ELOVL2: variants seen among roughly 807,000 people sequenced by gnomAD.
The protein encoded by ELOVL2 is very long chain fatty acid elongase 2.
Under a neutral mutation model 37.7 loss-of-function variants are expected in ELOVL2, and 38 were observed. That is an observed-to-expected ratio of 1.01 (90% CI 0.78 to 1.32). The LOEUF (loss-of-function observed/expected upper bound fraction) is 1.32, where lower values mean the gene tolerates loss of function less well. Among genes scored for constraint, ELOVL2 ranks in the 40% most tolerant of loss-of-function variants. The pLI is 0.00. For synonymous variants in ELOVL2, 115 were observed against 122.3 expected, an observed-to-expected ratio of 0.94 and a Z score of 0.40; for missense variants, 352 against 363.6, an observed-to-expected ratio of 0.97 and a Z score of 0.26.
At chr6:10,998,455 A>AAAT (rs920853072) in intron 4 of ELOVL2, among the ~76,000 whole-genome samples, 1 of 152,134 alleles carries the variant, frequency 6.6e-6, no homozygotes, top group African/African-American at 2.4e-5. Flanking sequence ...TTTTTTCCTA[A>AAAT]AATGAATTGG....
chr6:10,985,389 G>T (rs1355869100), intron 7 of ELOVL2, among the ~76,000 whole-genome samples: 1 of 148,196 alleles, frequency 6.7e-6, no homozygotes, highest in Non-Finnish European at 1.5e-5. Context: ...GTCAATTTTG[G>T]CTTTTGTTGC....
chr6:11,001,037 T>C (rs1399461658), intron 3 of ELOVL2, among the ~76,000 whole-genome samples: 2 of 152,196 alleles, frequency 1.3e-5, no homozygotes, highest in African/African-American at 4.8e-5. Context: ...TTGATTTGGA[T>C]CAGGTATTAC....
chr6:10,993,503 G>A (rs1482448055), intron 5 of ELOVL2, among the ~76,000 whole-genome samples: 3 of 152,122 alleles, frequency 2.0e-5, no homozygotes, highest in African/African-American at 7.2e-5. Flanking sequence ...TACAACACTA[G>A]CACAGAGTAA....
chr6:10,989,412 G>A lies in ELOVL2; in HGVS notation c.765+291C>T, dbSNP rs147588111. On this transcript the variant is annotated intron_variant, in intron 7 of 7. Transcript: ENST00000354666. Reference sequence around the variant, plus strand: ...TCACGCCTATAATCCCAGCACTTTGGGAAGCCAAGGCAGGCAGATCACCTG... The same window carrying A: ...TCACGCCTATAATCCCAGCACTTTGAGAAGCCAAGGCAGGCAGATCACCTG... Among the ~76,000 whole-genome samples, 77 of 152,338 alleles carry A rather than the reference G, an allele frequency of 5.1e-4. No individual in the cohort carries two copies. The East Asian group carries it at 0.014, about 29-fold the overall frequency.
At chr6:11,043,884 A>G (rs375496090) in intron 1 of ELOVL2, 2,925 of 223,638 alleles carry the variant, frequency 0.013, 75 homozygotes, top group African/African-American at 0.061. Flanking sequence ...GCCGCGAAGG[A>G]GGGGCGGCTT....
chr6:11,021,116 C>A (rs1006397458), intron 1 of ELOVL2, among the ~76,000 whole-genome samples: 3 of 152,224 alleles, frequency 2.0e-5, no homozygotes, highest in Non-Finnish European at 4.4e-5. Flanking sequence ...ATGACCTCCA[C>A]CCACTTTGCT....
intron 5 of ELOVL2, 62 bp from the exon 6 acceptor site, chr6:10,990,504 C>CATAATT: frequency 6.8e-7 from 1 of 1,474,140 alleles, no homozygotes; most frequent in Non-Finnish European, 9.0e-7. Flanking sequence ...TCTTCTTTGT[C>CATAATT]AAGTGAGATT....
At chr6:11,042,735 T>C (rs1361168789) in intron 1 of ELOVL2, among the ~76,000 whole-genome samples, 1 of 151,932 alleles carries the variant, frequency 6.6e-6, no homozygotes, top group Non-Finnish European at 1.5e-5. Context: ...AGTATCTCCC[T>C]CCTCCCAAAC....
chr6:11,000,914 G>A (rs1424743012), intron 3 of ELOVL2, among the ~76,000 whole-genome samples: 2 of 152,194 alleles, frequency 1.3e-5, no homozygotes, highest in African/African-American at 4.8e-5. Flanking sequence ...TCATTGTTTG[G>A]TGTACTTTCC....
chr6:11,037,353 A>G (rs2113567390), intron 1 of ELOVL2, among the ~76,000 whole-genome samples: 1 of 152,296 alleles, frequency 6.6e-6, no homozygotes, highest in Middle Eastern at 3.4e-3. Flanking sequence ...CCCCATTGTC[A>G]TAATGCATGT....
rs17855039 is a variant in ELOVL2 at position 11,005,393 on chromosome 6, G to A, written c.234C>T (p.Leu78=). The change falls in exon 3 of 8, where the codon CTC becomes CTT. Residue 78 remains leucine, a synonymous_variant. Transcript: ENST00000354666. ...LTLYNLGITL[L]SAYMLAELIL... is the part of the protein sequence containing the mutation. ...TTACCTCTGCCAGCATGTACGCGGA[G>A]AGAAGTGTGATTCCAAGATTATACA... is the stretch of plus-strand genomic sequence containing the variant. The A allele has an allele frequency of 1.4e-5, 22 of 1,613,794 alleles. No homozygotes were observed. In the East Asian group the frequency reaches 4.0e-4, roughly 29 times the overall value.
At chr6:11,032,592 T>C (rs1017487813) in intron 1 of ELOVL2, among the ~76,000 whole-genome samples, 28 of 152,216 alleles carry the variant, frequency 1.8e-4, no homozygotes, top group Non-Finnish European at 7.3e-5. Context: ...AATCACTTAC[T>C]AGTTTATGAC....
At chr6:11,021,782 G>GTTCATCTGT (rs1782768279) in intron 1 of ELOVL2, among the ~76,000 whole-genome samples, 1 of 152,070 alleles carries the variant, frequency 6.6e-6, no homozygotes, top group African/African-American at 2.4e-5. Context: ...GTGTGCATTC[G>GTTCATCTGT]TTCATCTGTT....
rs1781957520 is a variant in ELOVL2 at position 10,982,514 on chromosome 6, G to A, written c.*1267C>T. On this transcript the variant is annotated 3_prime_UTR_variant, in exon 8 of 8. Coordinates refer to ENST00000354666, the MANE Select transcript of ELOVL2 (RefSeq NM_017770.4). ...AAAAAATCTTCAGAAAATATTCTTTGTTTCCATTCTTGGTAGAGTTTAGTA... is the reference window on the plus strand; with the variant it reads ...AAAAAATCTTCAGAAAATATTCTTTATTTCCATTCTTGGTAGAGTTTAGTA... The A allele has an allele frequency of 6.6e-6, 1 of 152,110 alleles. No individual in the cohort carries two copies. Among genetic ancestry groups the A allele is most frequent in the African/African-American group, 2.4e-5 (1 of 41,402 alleles). 9.4% of individuals were successfully genotyped at this position (152,110 alleles called of 1,614,324 possible).
chr6:10,998,908 A>T (rs1416404035), intron 4 of ELOVL2, among the ~76,000 whole-genome samples: 1 of 152,202 alleles, frequency 6.6e-6, no homozygotes, highest in African/African-American at 2.4e-5. Flanking sequence ...TCCAATTTGA[A>T]TCTATCATTA....
rs1015781194 is a variant in ELOVL2 at position 10,982,780 on chromosome 6, G to A, written c.*1001C>T. On this transcript the variant is annotated 3_prime_UTR_variant, in exon 8 of 8. Coordinates refer to ENST00000354666, the MANE Select transcript of ELOVL2 (RefSeq NM_017770.4). ...AAAACTTAAATAACCTGTGAAGAGT[G>A]ACAACAGGTATCTGAGGTAATATTC... 6.6e-6 allele frequency: 1 copy of A among 152,180 alleles called. No individual in the cohort carries two copies. The highest frequency in any genetic ancestry group is 2.4e-5 in the African/African-American group (1 of 41,440). 9.4% of individuals were successfully genotyped at this position (152,180 alleles called of 1,614,324 possible). A position where few individuals can be genotyped will look rare whatever the true frequency, so the allele number is the denominator to read the frequency against.
At chr6:11,034,191 T>C (rs1581882363) in intron 1 of ELOVL2, among the ~76,000 whole-genome samples, 1 of 152,358 alleles carries the variant, frequency 6.6e-6, no homozygotes, top group East Asian at 1.9e-4. Flanking sequence ...CAGCCCTGTA[T>C]ATTATGAAAA....
chr6:11,042,864 T>C (rs1393049836), intron 1 of ELOVL2, among the ~76,000 whole-genome samples: 1 of 152,200 alleles, frequency 6.6e-6, no homozygotes, highest in African/African-American at 2.4e-5. Flanking sequence ...AGTTATCAAG[T>C]ACCTACTGTG....
At chr6:11,014,350 A>C (rs1030061752) in intron 1 of ELOVL2, among the ~76,000 whole-genome samples, 3 of 151,552 alleles carry the variant, frequency 2.0e-5, no homozygotes, top group Non-Finnish European at 4.4e-5. Flanking sequence ...GTGGTGGTGC[A>C]CACCTGTATT....
Sources: allele counts gnomAD v4.1 joint callset (sites outside exome capture counted in the v4.1 genomes callset), GRCh38; gene constraint gnomAD v4.1.1; transcripts MANE v1.5; gene names NCBI Gene and HGNC (gene_info 2026-07-23, HGNC 2026-07-21).